The following BCAS1 variants were observed in gnomAD, a reference collection of about 807,000 sequenced individuals.
BCAS1 encodes the protein breast carcinoma-amplified sequence 1.
BCAS1 carries 46 observed loss-of-function variants against 65.4 expected under a neutral mutation model. That is an observed-to-expected ratio of 0.70 (90% CI 0.55 to 0.90). The LOEUF (loss-of-function observed/expected upper bound fraction) is 0.90, where lower values mean the gene tolerates loss of function less well. Ranked by LOEUF, BCAS1 falls within the 40% of genes least tolerant of loss-of-function variation. The pLI is 0.00. For missense variants in BCAS1, 793 were observed against 771.2 expected (o/e 1.03, Z -0.33); for synonymous variants, 298 against 293.5 (o/e 1.02, Z -0.16).
At chr20:53,976,647 TA>T (rs1431014258) in intron 8 of BCAS1, among the ~76,000 whole-genome samples, 1 of 152,226 alleles carries the variant, frequency 6.6e-6, no homozygotes, top group Non-Finnish European at 1.5e-5. Context: ...ATGGTTTTAA[TA>T]CATTTATTTT....
chr20:54,053,872 T>G (rs1269662719), intron 3 of BCAS1, among the ~76,000 whole-genome samples: 1 of 152,176 alleles, frequency 6.6e-6, no homozygotes, highest in East Asian at 1.9e-4. Flanking sequence ...AAATAAGCCT[T>G]CATAGGAAAT....
At chr20:54,041,909 C>CCAAAAA (rs1555878246) in intron 3 of BCAS1, among the ~76,000 whole-genome samples, 1 of 79,782 alleles carries the variant, frequency 1.3e-5, no homozygotes, top group Non-Finnish European at 2.2e-5. Flanking sequence ...CTGTCTCCCC[C>CCAAAAA]AAAAAAAAAA....
chr20:54,057,303 A>G (rs1159145516), intron 3 of BCAS1, among the ~76,000 whole-genome samples: 1 of 152,244 alleles, frequency 6.6e-6, no homozygotes, highest in Non-Finnish European at 1.5e-5. Flanking sequence ...TATATGAAAT[A>G]TCGCTGGAGA....
At chr20:54,041,502 C>A (rs1029768982) in intron 3 of BCAS1, among the ~76,000 whole-genome samples, 5 of 152,044 alleles carry the variant, frequency 3.3e-5, no homozygotes, top group Non-Finnish European at 7.4e-5. Context: ...AAAATAAAAG[C>A]ACAATAAAAT....
intron 3 of BCAS1, among the ~76,000 whole-genome samples, chr20:54,056,687 G>A (rs1334475231): frequency 2.0e-5 from 3 of 152,010 alleles, no homozygotes; most frequent in Admixed American, 1.3e-4. Context: ...TAGCAGCTAC[G>A]GGATGAGACT....
intron 10 of BCAS1, 123 bp downstream of exon 10, chr20:53,966,783 T>G (rs1461336504): frequency 1.1e-6 from 1 of 897,648 alleles, no homozygotes; most frequent in East Asian, 2.6e-5. Flanking sequence ...CAATCCATAT[T>G]CCATTCACAT....
In BCAS1 at chr20:54,029,641, G is replaced by A. The variant is rs149498993; in HGVS notation, c.143-669C>T. On this transcript the variant is annotated intron_variant, in intron 3 of 12. Transcript: ENST00000688948. ...TAAAAGGAGACAGATAATAAATCTC[G>A]TAATTTTGTTAGGAAGATTACATGA... Among the ~76,000 whole-genome samples the A allele has an allele frequency of 9.9e-5, 15 of 152,282 alleles. No individual in the cohort carries two copies. The South Asian group carries it at 1.0e-3, about 11-fold the overall frequency.
At chr20:54,066,495 G>A (rs1294933273) in intron 1 of BCAS1, among the ~76,000 whole-genome samples, 1 of 152,214 alleles carries the variant, frequency 6.6e-6, no homozygotes, top group East Asian at 1.9e-4. Context: ...TGTTGGATTC[G>A]TGTTGAAGCC....
chr20:54,011,729 G>T (rs1210362878), intron 4 of BCAS1, among the ~76,000 whole-genome samples: 2 of 152,176 alleles, frequency 1.3e-5, no homozygotes, highest in African/African-American at 4.8e-5. Flanking sequence ...TGCAGGCAGG[G>T]CGTGGTGGCA....
chr20:53,949,784 A>T (rs1010857180), intron 12 of BCAS1, among the ~76,000 whole-genome samples: 15 of 152,124 alleles, frequency 9.9e-5, no homozygotes, highest in African/African-American at 3.6e-4. Context: ...GGCCTGGCTT[A>T]TGTGTCTGGG....
At chr20:54,066,916 A>G (rs1458234092) in intron 1 of BCAS1, among the ~76,000 whole-genome samples, 4 of 152,074 alleles carry the variant, frequency 2.6e-5, no homozygotes, top group Non-Finnish European at 5.9e-5. Flanking sequence ...TAACTTTTCT[A>G]TTTTCATACT....
At chr20:53,978,283 T>A (rs1012102284) in intron 8 of BCAS1, among the ~76,000 whole-genome samples, 1 of 152,196 alleles carries the variant, frequency 6.6e-6, no homozygotes, top group African/African-American at 2.4e-5. Context: ...GACCTGTCCA[T>A]GTACCACCTC....
At chr20:53,985,586 C>T in intron 7 of BCAS1, 87 bp from the exon 8 acceptor site, 1 of 1,206,394 alleles carries the variant, frequency 8.3e-7, no homozygotes, top group South Asian at 1.4e-5. Flanking sequence ...TAAACATGGG[C>T]TGAGGTTATA....
chr20:54,065,176 C>G lies in BCAS1; in HGVS notation c.-6+5257G>C, dbSNP rs1228480074. Reference sequence around the variant, plus strand: ...TCTATCTATCTATCATCTACTTTATCTATCTATCTCACACACACTATATAT... The same window carrying G: ...TCTATCTATCTATCATCTACTTTATGTATCTATCTCACACACACTATATAT... On this transcript the variant is annotated intron_variant, in intron 1 of 12. Transcript: ENST00000688948. Among the ~76,000 whole-genome samples, 5 of 100,902 alleles carry G rather than the reference C, an allele frequency of 5.0e-5. No homozygotes were observed. In the East Asian group the frequency reaches 1.6e-3, roughly 33 times the overall value. 66.2% of individuals were successfully genotyped at this position (100,902 alleles called of 152,430 possible).
intron 3 of BCAS1, among the ~76,000 whole-genome samples, chr20:54,050,145 C>G (rs1190262411): frequency 6.6e-6 from 1 of 152,164 alleles, no homozygotes; most frequent in African/African-American, 2.4e-5. Flanking sequence ...TTAAGCCTCT[C>G]TCTCTTTGTG....
intron 1 of BCAS1, among the ~76,000 whole-genome samples, chr20:54,059,057 C>A (rs893996447): frequency 1.2e-4 from 19 of 152,170 alleles, no homozygotes; most frequent in African/African-American, 4.3e-4. Context: ...ATAAAACCAT[C>A]AGATCTCGCG....
intron 8 of BCAS1, among the ~76,000 whole-genome samples, chr20:53,977,674 G>C (rs2145718026): frequency 6.6e-6 from 1 of 152,280 alleles, no homozygotes; most frequent in South Asian, 2.1e-4. Context: ...CTTCTGAACA[G>C]ATTTTTTAAA....
intron 6 of BCAS1, among the ~76,000 whole-genome samples, chr20:53,994,594 T>G (rs2090852265): frequency 6.6e-6 from 1 of 152,172 alleles, no homozygotes; most frequent in Admixed American, 6.5e-5. Context: ...TCTACTTTAT[T>G]TTTTTAGAGT....
intron 4 of BCAS1, among the ~76,000 whole-genome samples, chr20:54,007,990 T>C (rs990970270): frequency 2.0e-5 from 3 of 152,200 alleles, no homozygotes; most frequent in African/African-American, 7.2e-5. Flanking sequence ...ATTAGCAACC[T>C]GGAAACACCT....
Sources: allele counts gnomAD v4.1 joint callset (sites outside exome capture counted in the v4.1 genomes callset), GRCh38; gene constraint gnomAD v4.1.1; transcripts MANE v1.5; gene names NCBI Gene and HGNC (gene_info 2026-07-23, HGNC 2026-07-21).